AIF1L: variants seen among roughly 807,000 people sequenced by gnomAD.
AIF1L encodes the protein allograft inflammatory factor 1-like.
Under a neutral mutation model 20.7 loss-of-function variants are expected in AIF1L, and 12 were observed. That is an observed-to-expected ratio of 0.58 (90% CI 0.37 to 0.94). AIF1L has a LOEUF of 0.94. Ranked by LOEUF, AIF1L falls within the 40% of genes least tolerant of loss-of-function variation. The pLI is 0.01. For synonymous variants in AIF1L, 76 were observed against 65.1 expected (o/e 1.17, Z -0.81); for missense variants, 173 against 185.3 (o/e 0.93, Z 0.39).
rs1831117718 is a variant in AIF1L at position 131,120,716 on chromosome 9, AC to A, written c.*398del. On this transcript the variant is annotated 3_prime_UTR_variant, in exon 6 of 6. Coordinates refer to ENST00000247291, the MANE Select transcript of AIF1L (RefSeq NM_031426.4). ...GCTCACTGACCTGGCTCTGACGAGG[AC>A]CCCAGGCCACTCTGAGAAGACCTTG... 3.4e-6 allele frequency: 1 copy of A among 298,124 alleles called. No individual in the cohort carries two copies. The highest frequency in any genetic ancestry group is 6.2e-6 in the Non-Finnish European group (1 of 161,736). 18.5% of individuals were successfully genotyped at this position (298,124 alleles called of 1,614,324 possible).
At chr9:131,116,797 C>T (rs1588112323) in intron 4 of AIF1L, among the ~76,000 whole-genome samples, 1 of 152,262 alleles carries the variant, frequency 6.6e-6, no homozygotes, top group East Asian at 1.9e-4. Context: ...TGCCGAACTG[C>T]CCGAGAAAGG....
At chr9:131,111,786 C>A in intron 3 of AIF1L, 123 bp downstream of exon 3, 1 of 1,008,136 alleles carries the variant, frequency 9.9e-7, no homozygotes. Flanking sequence ...CCAGAATGCC[C>A]TTCTTCCTGG....
Position 131,102,159 on chromosome 9 carries a change from C to T in AIF1L, c.93+5296C>T, listed in dbSNP as rs112372124. Among the ~76,000 whole-genome samples the T allele has an allele frequency of 4.6e-5, 7 of 152,250 alleles. 1 individual carries two copies. The highest frequency in any genetic ancestry group is 1.2e-4 in the African/African-American group (5 of 41,546). On this transcript the variant is annotated intron_variant, in intron 2 of 5. Transcript: ENST00000247291. ...AACTCCTGACCTCAAGTGATCCACC[C>T]GCCTTGGCCTCCCAAAGTGCTGGGA...
intron 3 of AIF1L, among the ~76,000 whole-genome samples, chr9:131,112,947 T>C (rs936735491): frequency 1.3e-5 from 2 of 152,092 alleles, no homozygotes; most frequent in Non-Finnish European, 2.9e-5. Context: ...GGAAGTTACA[T>C]CATTCACTCA....
chr9:131,100,553 C>T (rs1830615482), intron 2 of AIF1L, among the ~76,000 whole-genome samples: 1 of 152,224 alleles, frequency 6.6e-6, no homozygotes, highest in African/African-American at 2.4e-5. Context: ...GGGCCTCCTG[C>T]TGCGTGTCCA....
In AIF1L at chr9:131,096,626, C is replaced by T. The variant is rs763953921; in HGVS notation, c.-4C>T. 2.7e-6 allele frequency: 4 copies of T among 1,484,306 alleles called. No individual in the cohort carries two copies. The South Asian group carries it at 3.8e-5, about 14-fold the overall frequency. 91.9% of individuals were successfully genotyped at this position (1,484,306 alleles called of 1,614,324 possible). ...CTGGAGCCGGCGGGAGCCCCGCGCTCGCCATGTCGGGCGAGCTCAGCAACA... is the reference window on the plus strand; with the variant it reads ...CTGGAGCCGGCGGGAGCCCCGCGCTTGCCATGTCGGGCGAGCTCAGCAACA... On this transcript the variant is annotated 5_prime_UTR_variant, in exon 1 of 6. Coordinates refer to ENST00000247291, the MANE Select transcript of AIF1L (RefSeq NM_031426.4).
chr9:131,116,410 C>T (rs933444605), intron 4 of AIF1L, among the ~76,000 whole-genome samples: 26 of 152,044 alleles, frequency 1.7e-4, no homozygotes, highest in East Asian at 1.9e-4. Context: ...ATTACAGGCA[C>T]GCACCACCAC....
chr9:131,112,361 T>A (rs1830910577), intron 3 of AIF1L: 1 of 152,360 alleles, frequency 6.6e-6, no homozygotes, highest in South Asian at 2.1e-4. Flanking sequence ...CCCTCCAAAG[T>A]GTTTGCAGTG....
At chr9:131,113,562 T>C (rs541397255) in intron 3 of AIF1L, among the ~76,000 whole-genome samples, 1 of 144,822 alleles carries the variant, frequency 6.9e-6, no homozygotes, top group East Asian at 2.1e-4. Flanking sequence ...CAGACTAACA[T>C]GGGTTCAAGT....
rs573827366 is a variant in AIF1L at position 131,120,490 on chromosome 9, G to T, written c.*168G>T. 8.6e-6 allele frequency: 5 copies of T among 581,516 alleles called. No homozygotes were observed. In the African/African-American group the frequency reaches 9.6e-5, roughly 11 times the overall value. The allele number at this position is 581,516 out of a possible 1,614,324, so 36.0% of individuals were successfully genotyped here. ...AGCACAAATTATCTGCCTTAAAGGGGCTCTGGGTCGGGGAATCCTGAGCCT... is the reference window on the plus strand; with the variant it reads ...AGCACAAATTATCTGCCTTAAAGGGTCTCTGGGTCGGGGAATCCTGAGCCT... On this transcript the variant is annotated 3_prime_UTR_variant, in exon 6 of 6. Transcript: ENST00000247291.
rs541325246 is a variant in AIF1L, at chr9:131,107,562, G to A, written c.94-4035G>A. Among the ~76,000 whole-genome samples, 11 of 152,348 alleles carry A rather than the reference G, an allele frequency of 7.2e-5. No homozygotes were observed. In the South Asian group the frequency reaches 2.3e-3, roughly 32 times the overall value. On this transcript the variant is annotated intron_variant, in intron 2 of 5. Transcript: ENST00000247291. ...AAAGTGAAGGAAATGCAGGGTCACT[G>A]TGGTGAGTTGGACCTAGGCTGAATG... is the stretch of plus-strand genomic sequence containing the variant.
intron 2 of AIF1L, among the ~76,000 whole-genome samples, chr9:131,102,231 A>G (rs1830655361): frequency 6.6e-6 from 1 of 152,022 alleles, no homozygotes; most frequent in Non-Finnish European, 1.5e-5. Flanking sequence ...TTTTTTCAGA[A>G]GCCACATGTC....
intron 3 of AIF1L, among the ~76,000 whole-genome samples, chr9:131,113,497 CAAAAAAAAAAAAAAA>C (rs3057292): frequency 4.1e-5 from 2 of 49,332 alleles, no homozygotes; most frequent in Non-Finnish European, 7.3e-5. Context: ...GACTCCATCT[CAAAAAAAAAAAAAAA>C]AAAAAAAAGC....
intron 2 of AIF1L, among the ~76,000 whole-genome samples, chr9:131,107,047 C>A (rs540942758): frequency 6.6e-6 from 1 of 152,022 alleles, no homozygotes; most frequent in Non-Finnish European, 1.5e-5. Flanking sequence ...GAGCTGAGAT[C>A]GCGCCACTGC....
Position 131,120,319 on chromosome 9 carries a change from C to A in AIF1L, c.450C>A (p.Pro150=), listed in dbSNP as rs1159262108. The part of the protein sequence containing the change: ...PPPERDIASL[P] ...CAGAGAGAGACATTGCTAGCCTGCCCTGAGGACCCCGCCTGGACTCCCCAG... is the reference window on the plus strand; with the variant it reads ...CAGAGAGAGACATTGCTAGCCTGCCATGAGGACCCCGCCTGGACTCCCCAG... The change falls in exon 6 of 6, where the codon CCC becomes CCA. Residue 150 remains proline, a synonymous_variant. Transcript: ENST00000247291. 3 of 1,611,900 alleles carry A rather than the reference C, an allele frequency of 1.9e-6. No individual in the cohort carries two copies. The highest frequency in any genetic ancestry group is 2.5e-6 in the Non-Finnish European group (3 of 1,179,232).
chr9:131,105,142 A>T (rs1830717770), intron 2 of AIF1L, among the ~76,000 whole-genome samples: 1 of 152,132 alleles, frequency 6.6e-6, no homozygotes, highest in African/African-American at 2.4e-5. Flanking sequence ...TGGGTGGTAC[A>T]TGAGCAGGAA....
At chr9:131,107,515 G>A (rs957875068) in intron 2 of AIF1L, among the ~76,000 whole-genome samples, 4 of 152,196 alleles carry the variant, frequency 2.6e-5, no homozygotes, top group African/African-American at 9.6e-5. Context: ...TGCCTCCCCA[G>A]GAAGGTTCTC....
chr9:131,114,970 A>G (rs1830975386), intron 4 of AIF1L, among the ~76,000 whole-genome samples: 1 of 152,062 alleles, frequency 6.6e-6, no homozygotes, highest in Admixed American at 6.5e-5. Context: ...CTGTCTTTCC[A>G]TTGTATGTCA....
rs2133415481 is a variant in AIF1L, at chr9:131,121,037, A to C, written c.*715A>C. 1.4e-6 allele frequency: 1 copy of C among 696,446 alleles called. No individual in the cohort carries two copies. The highest frequency in any genetic ancestry group is 2.7e-5 in the East Asian group (1 of 36,818). The allele number at this position is 696,446 out of a possible 1,614,324, so 43.1% of individuals were successfully genotyped here. A position where few individuals can be genotyped will look rare whatever the true frequency, so the allele number is the denominator to read the frequency against. ...CCCTACTGTCCCTTACTGGGGCAGC[A>C]GAGGGCTTCGGAGGCAGAAGTGAGG... On this transcript the variant is annotated 3_prime_UTR_variant, in exon 6 of 6. Coordinates refer to ENST00000247291, the MANE Select transcript of AIF1L (RefSeq NM_031426.4).
Sources: gnomAD v4.1 joint callset for allele counts (sites outside exome capture counted in the v4.1 genomes callset) on GRCh38, gnomAD v4.1.1 for gene constraint, MANE v1.5 for transcripts, NCBI Gene and HGNC (gene_info 2026-07-23, HGNC 2026-07-21) for gene names.